The following STAT5B variants were observed in gnomAD, a reference collection of about 807,000 sequenced individuals.
STAT5B encodes the protein signal transducer and activator of transcription 5B.
In STAT5B, 21 loss-of-function variants were observed where a neutral mutation model predicts 107.8. The ratio of observed to expected loss-of-function variants is 0.19; its 90% CI spans 0.14 to 0.28. STAT5B has a LOEUF of 0.28. Among genes scored for constraint, STAT5B ranks in the 10% least tolerant of loss-of-function variants. The probability of loss-of-function intolerance (pLI) is 1.00; values close to 1 mark genes in which losing one functional copy is unlikely to be tolerated. For missense variants in STAT5B, 565 were observed against 1,008.2 expected, an observed-to-expected ratio of 0.56 and a Z score of 5.95; for synonymous variants, 325 against 401.7, an observed-to-expected ratio of 0.81 and a Z score of 2.28.
chr17:42,217,665 C>T, intron 9 of STAT5B: 1 of 627,684 alleles, frequency 1.6e-6, no homozygotes, highest in East Asian at 2.9e-5. Flanking sequence ...AAACTATCTT[C>T]ACAGAAAACA....
chr17:42,269,629 G>T (rs1165687590), intron 1 of STAT5B: 1 of 152,164 alleles, frequency 6.6e-6, no homozygotes, highest in African/African-American at 2.4e-5. Flanking sequence ...GGTCAAAGGT[G>T]ACAGTTGACA....
chr17:42,215,157 A>G (rs764197398), intron 12 of STAT5B, among the ~76,000 whole-genome samples: 3 of 152,194 alleles, frequency 2.0e-5, no homozygotes, highest in Admixed American at 6.5e-5. Context: ...CTCATTCTTC[A>G]TGAGACCTAG....
intron 6 of STAT5B, 90 bp from the exon 7 acceptor site, chr17:42,219,553 T>C (rs1052565053): frequency 2.3e-4 from 266 of 1,155,760 alleles, no homozygotes; most frequent in Non-Finnish European, 2.9e-4. Context: ...GCCCAGGCCG[T>C]TCCCTCTCCC....
rs1194643096 is a variant in STAT5B at position 42,223,527 on chromosome 17, A to T, written c.405T>A (p.Asp135Glu). The stretch of plus-strand genomic sequence containing the variant: ...TCTGGAGGTGTTTCTGGGACATGGC[A>T]TCAGCAAGGCTTCCAGCTGGAGAGC... Reference protein sequence around the residue: ...NGSSPAGSLADAMSQKHLQIN... With the variant: ...NGSSPAGSLAEAMSQKHLQIN... The change falls in exon 5 of 19, where the codon GAT becomes GAA. Residue 135 changes from aspartate to glutamate, a missense_variant. Coordinates refer to ENST00000293328, the MANE Select transcript of STAT5B (RefSeq NM_012448.4). 3.1e-6 allele frequency: 5 copies of T among 1,614,004 alleles called. No homozygotes were observed. In the East Asian group the frequency reaches 1.1e-4, roughly 36 times the overall value.
At chr17:42,235,649 T>C (rs2080350978) in intron 1 of STAT5B, among the ~76,000 whole-genome samples, 1 of 152,120 alleles carries the variant, frequency 6.6e-6, no homozygotes, top group Non-Finnish European at 1.5e-5. Flanking sequence ...AGCTAAGTTT[T>C]GTATTTTTAG....
chr17:42,220,098 G>A (rs913626139), intron 5 of STAT5B, among the ~76,000 whole-genome samples: 4 of 152,176 alleles, frequency 2.6e-5, no homozygotes, highest in Non-Finnish European at 5.9e-5. Context: ...AGCTGGGGAG[G>A]AGGCCTGCCT....
At chr17:42,221,195 C>T (rs911818628) in intron 5 of STAT5B, among the ~76,000 whole-genome samples, 1 of 152,172 alleles carries the variant, frequency 6.6e-6, no homozygotes, top group Non-Finnish European at 1.5e-5. Flanking sequence ...AGGTATCGAG[C>T]AGGAAGAGGA....
intron 1 of STAT5B, among the ~76,000 whole-genome samples, chr17:42,258,521 A>C (rs755802415): frequency 1.8e-4 from 28 of 152,218 alleles, no homozygotes; most frequent in Admixed American, 3.9e-4. Context: ...TCTACTAAAA[A>C]TACAAAAATT....
intron 16 of STAT5B, among the ~76,000 whole-genome samples, chr17:42,203,342 A>G (rs538312759): frequency 6.6e-6 from 1 of 152,302 alleles, no homozygotes; most frequent in Admixed American, 6.5e-5. Flanking sequence ...GGATGTTTCA[A>G]TAAATTCTTC....
At chr17:42,267,868 A>C (rs1230255866) in intron 1 of STAT5B, among the ~76,000 whole-genome samples, 1 of 151,592 alleles carries the variant, frequency 6.6e-6, no homozygotes, top group East Asian at 1.9e-4. Context: ...CTGAGGAAGG[A>C]GAATTGCTTG....
At chr17:42,281,133 CAA>C (rs537711767), upstream of STAT5B, among the ~76,000 whole-genome samples, 17 of 117,438 alleles carry the variant, frequency 1.4e-4, no homozygotes, top group Middle Eastern at 5.3e-3. Flanking sequence ...GATTCCGTCT[CAA>C]AAAAAAAAAA....
upstream of STAT5B, among the ~76,000 whole-genome samples, chr17:42,277,015 G>A (rs1230548264): frequency 6.6e-6 from 1 of 152,260 alleles, no homozygotes; most frequent in East Asian, 1.9e-4. Context: ...GGCGCCTGGG[G>A]CCGGTTCCCT....
chr17:42,285,472 A>G, the STAT5B span, among the ~76,000 whole-genome samples: 1 of 152,180 alleles, frequency 6.6e-6, no homozygotes, highest in Non-Finnish European at 1.5e-5. Context: ...GGGGGTGAAG[A>G]GCAGTTAGGG....
chr17:42,225,606 A>G (rs2080266776), intron 3 of STAT5B, among the ~76,000 whole-genome samples: 1 of 152,132 alleles, frequency 6.6e-6, no homozygotes, highest in African/African-American at 2.4e-5. Flanking sequence ...CCTTATATAA[A>G]ATGGCATCGT....
At chr17:42,234,021 G>A (rs1390514914) in intron 1 of STAT5B, 1 of 152,184 alleles carries the variant, frequency 6.6e-6, no homozygotes, top group East Asian at 1.9e-4. Flanking sequence ...GTAGAGTTTG[G>A]TATAAGGCAG....
At chr17:42,216,235 G>C in intron 11 of STAT5B, 129 bp from the exon 12 acceptor site, 1 of 757,836 alleles carries the variant, frequency 1.3e-6, no homozygotes, top group Non-Finnish European at 2.2e-6. Context: ...CTCAGACACA[G>C]AATCTAAATG....
At chr17:42,226,126 G>A (rs1024942689) in intron 3 of STAT5B, among the ~76,000 whole-genome samples, 16 of 152,062 alleles carry the variant, frequency 1.1e-4, no homozygotes, top group African/African-American at 3.1e-4. Context: ...GTAGAGATGG[G>A]GTTTCACCAT....
intron 16 of STAT5B, among the ~76,000 whole-genome samples, chr17:42,206,853 G>A (rs1393185922): frequency 2.7e-5 from 4 of 147,482 alleles, no homozygotes; most frequent in African/African-American, 1.0e-4. Context: ...GGGATTATAG[G>A]TGTGAGCCAC....
intron 1 of STAT5B, among the ~76,000 whole-genome samples, chr17:42,255,742 G>A (rs546992962): frequency 2.6e-5 from 4 of 152,296 alleles, no homozygotes; most frequent in East Asian, 1.9e-4. Context: ...TGGACCAGGT[G>A]CTGACGGTCA....
Sources: allele counts gnomAD v4.1 joint callset (sites outside exome capture counted in the v4.1 genomes callset), GRCh38; gene constraint gnomAD v4.1.1; transcripts MANE v1.5; gene names NCBI Gene and HGNC (gene_info 2026-07-23, HGNC 2026-07-21).